The following TBC1D4 variants were observed in gnomAD, a reference collection of about 807,000 sequenced individuals.
TBC1D4 encodes TBC1 domain family member 4, also known as TBC (Tre-2, BUB2, CDC16) domain-containing protein.
In TBC1D4, 121 loss-of-function variants were observed where a neutral mutation model predicts 142.5. The ratio of observed to expected loss-of-function variants is 0.85; its 90% CI spans 0.73 to 0.99. TBC1D4 has a LOEUF of 0.99. TBC1D4 is among the 50% of genes least tolerant of loss of function. TBC1D4 has a pLI of 0.00. For missense variants in TBC1D4, 1,475 were observed against 1,606.6 expected, an observed-to-expected ratio of 0.92 and a Z score of 1.40; for synonymous variants, 630 against 628.2, an observed-to-expected ratio of 1.00 and a Z score of -0.04.
At chr13:75,463,384 C>G (rs756585856) in intron 1 of TBC1D4, among the ~76,000 whole-genome samples, 5 of 152,134 alleles carry the variant, frequency 3.3e-5, no homozygotes, top group Non-Finnish European at 7.4e-5. Flanking sequence ...TGCACTGGTT[C>G]TCCAAATTAA....
chr13:75,288,498 C>T (rs1219589823), intron 20 of TBC1D4, among the ~76,000 whole-genome samples: 1 of 152,126 alleles, frequency 6.6e-6, no homozygotes, highest in Non-Finnish European at 1.5e-5. Context: ...TGACACTAGG[C>T]TAACTTTGCT....
chr13:75,333,870 G>A (rs1357106627), intron 8 of TBC1D4, among the ~76,000 whole-genome samples: 2 of 151,996 alleles, frequency 1.3e-5, no homozygotes, highest in African/African-American at 4.8e-5. Context: ...TTGTTATTTT[G>A]TAGACTCCAC....
intron 1 of TBC1D4, among the ~76,000 whole-genome samples, chr13:75,378,841 T>A (rs1883662522): frequency 6.6e-6 from 1 of 152,136 alleles, no homozygotes; most frequent in East Asian, 1.9e-4. Flanking sequence ...ATCAAATACA[T>A]ATCCAGCTGA....
At chr13:75,364,752 G>T (rs1488782692) in intron 1 of TBC1D4, among the ~76,000 whole-genome samples, 1 of 152,178 alleles carries the variant, frequency 6.6e-6, no homozygotes, top group Non-Finnish European at 1.5e-5. Context: ...TTTTTAATCT[G>T]ATTTTTAACC....
chr13:75,306,154 TA>T (rs1433494642), intron 15 of TBC1D4, among the ~76,000 whole-genome samples, 158 bp downstream of exon 15: 1 of 152,032 alleles, frequency 6.6e-6, no homozygotes, highest in Non-Finnish European at 1.5e-5. Flanking sequence ...AGACAGTCAC[TA>T]AACTACAGGA....
At chr13:75,391,329 G>A (rs1364151514) in intron 1 of TBC1D4, among the ~76,000 whole-genome samples, 2 of 151,982 alleles carry the variant, frequency 1.3e-5, no homozygotes, top group African/African-American at 4.8e-5. Flanking sequence ...CAAAAGAGTT[G>A]CCTGCATTTG....
At chr13:75,310,735 A>G (rs1459814780) in intron 13 of TBC1D4, among the ~76,000 whole-genome samples, 2 of 152,276 alleles carry the variant, frequency 1.3e-5, no homozygotes, top group East Asian at 3.9e-4. Flanking sequence ...TACAAATGAA[A>G]TGACTTCGCC....
rs555301014 is a variant in TBC1D4, at chr13:75,442,734, G to A, written c.498+38536C>T. On this transcript the variant is annotated intron_variant, in intron 1 of 20. Transcript: ENST00000377636. ...GTGGAGGTTGCAGTGAGCCGAGATC[G>A]CGCCACTGCACTCCAGCCTGGCAAC... 4.6e-5 allele frequency among the ~76,000 whole-genome samples: 7 copies of A among 151,180 alleles called. No homozygotes were observed. In the South Asian group the frequency reaches 6.3e-4, roughly 14 times the overall value.
intron 1 of TBC1D4, among the ~76,000 whole-genome samples, chr13:75,443,989 A>T (rs201014524): frequency 6.9e-6 from 1 of 143,956 alleles, no homozygotes. Flanking sequence ...AAAAAAAAAA[A>T]GCTGTAGATG....
chr13:75,468,176 T>G (rs754524267), intron 1 of TBC1D4, among the ~76,000 whole-genome samples: 7 of 152,194 alleles, frequency 4.6e-5, no homozygotes, highest in Non-Finnish European at 5.9e-5. Context: ...TTTTTCATGT[T>G]ACATGACTAA....
intron 1 of TBC1D4, among the ~76,000 whole-genome samples, chr13:75,381,334 C>T (rs1184691731): frequency 2.0e-5 from 3 of 152,150 alleles, no homozygotes; most frequent in Admixed American, 2.0e-4. Context: ...AACTGCCACT[C>T]AGTCATTCAC....
chr13:75,402,181 C>A (rs77971785), intron 1 of TBC1D4, among the ~76,000 whole-genome samples: 14,983 of 152,156 alleles, frequency 0.098, 847 homozygotes, highest in Middle Eastern at 0.17. Context: ...GGGGTTAAAT[C>A]ATTTTACTGC....
chr13:75,481,127 G>A, intron 1 of TBC1D4, 143 bp downstream of exon 1: 1 of 1,313,534 alleles, frequency 7.6e-7, no homozygotes, highest in Non-Finnish European at 1.0e-6. Context: ...GGGGCCAGCC[G>A]GCGCTTGAGC....
At chr13:75,472,858 G>A (rs1024070053) in intron 1 of TBC1D4, among the ~76,000 whole-genome samples, 5 of 152,158 alleles carry the variant, frequency 3.3e-5, no homozygotes, top group African/African-American at 1.2e-4. Flanking sequence ...AAGGAGAAAG[G>A]CTATCAGTTT....
intron 1 of TBC1D4, among the ~76,000 whole-genome samples, chr13:75,430,567 C>T (rs1014487100): frequency 6.6e-6 from 1 of 152,210 alleles, no homozygotes; most frequent in Non-Finnish European, 1.5e-5. Flanking sequence ...GAGGACATCT[C>T]AAGGGCTTTT....
intron 1 of TBC1D4, among the ~76,000 whole-genome samples, chr13:75,381,000 C>G (rs1474952142): frequency 6.6e-6 from 1 of 152,088 alleles, no homozygotes; most frequent in Admixed American, 6.5e-5. Context: ...ATTTTTGGCA[C>G]ACTTTTAAAA....
chr13:75,398,175 T>A (rs1440627455), intron 1 of TBC1D4, among the ~76,000 whole-genome samples: 1 of 152,222 alleles, frequency 6.6e-6, no homozygotes, highest in Non-Finnish European at 1.5e-5. Flanking sequence ...AGACATAAGC[T>A]GTTCTTACCA....
chr13:75,417,474 A>T (rs1048593895), intron 1 of TBC1D4, among the ~76,000 whole-genome samples: 19 of 152,122 alleles, frequency 1.2e-4, no homozygotes, highest in African/African-American at 4.6e-4. Flanking sequence ...ATAATACCAG[A>T]TAGAAAATAA....
At chr13:75,457,816 T>A (rs1887800143) in intron 1 of TBC1D4, among the ~76,000 whole-genome samples, 1 of 152,220 alleles carries the variant, frequency 6.6e-6, no homozygotes, top group Non-Finnish European at 1.5e-5. Context: ...GTGATTTTTA[T>A]CAATGAAGCG....
Sources: gnomAD v4.1 joint callset for allele counts (sites outside exome capture counted in the v4.1 genomes callset) on GRCh38, gnomAD v4.1.1 for gene constraint, MANE v1.5 for transcripts, NCBI Gene and HGNC (gene_info 2026-07-23, HGNC 2026-07-21) for gene names.